Variants in SORCS1 observed in about 807,000 individuals in gnomAD.
SORCS1 encodes the protein VPS10 domain-containing receptor SorCS1.
A neutral mutation model predicts 146.1 loss-of-function variants in SORCS1; 60 were observed. The observed-to-expected ratio is 0.41, with a 90% CI of 0.33 to 0.51. The LOEUF is 0.51. Ranked by LOEUF, SORCS1 falls within the 20% of genes least tolerant of loss-of-function variation. The pLI is 0.21. For synonymous variants in SORCS1, 637 were observed against 584.0 expected (o/e 1.09, Z -1.31); for missense variants, 1,352 against 1,487.6 (o/e 0.91, Z 1.50).
chr10:106,873,079 CAGG>C (rs1950470392), intron 2 of SORCS1, among the ~76,000 whole-genome samples: 1 of 152,072 alleles, frequency 6.6e-6, no homozygotes, highest in Non-Finnish European at 1.5e-5. Flanking sequence ...GAGGCTGAGG[CAGG>C]AGAATCACTT....
chr10:106,892,747 A>G (rs1951283903), intron 2 of SORCS1, among the ~76,000 whole-genome samples: 1 of 152,182 alleles, frequency 6.6e-6, no homozygotes, highest in African/African-American at 2.4e-5. Context: ...TCTAACTTCT[A>G]CATGTCTCCA....
At chr10:106,642,752 T>G (rs371471460) in intron 18 of SORCS1, among the ~76,000 whole-genome samples, 2 of 152,146 alleles carry the variant, frequency 1.3e-5, no homozygotes, top group Non-Finnish European at 2.9e-5. Flanking sequence ...TCAGGCACAC[T>G]AGGCATTCAA....
intron 4 of SORCS1, among the ~76,000 whole-genome samples, chr10:106,773,561 T>A (rs986959717): frequency 2.0e-5 from 3 of 152,210 alleles, no homozygotes; most frequent in African/African-American, 7.2e-5. Flanking sequence ...TTTTTTCCAG[T>A]ATGATTTATC....
chr10:107,107,427 T>C (rs894860995), intron 1 of SORCS1, among the ~76,000 whole-genome samples: 1 of 152,186 alleles, frequency 6.6e-6, no homozygotes, highest in Non-Finnish European at 1.5e-5. Flanking sequence ...GATTTTGTGT[T>C]TCAGTGCTTT....
At chr10:107,165,334 A>AT (rs984491607), upstream of SORCS1, among the ~76,000 whole-genome samples, 29 of 122,090 alleles carry the variant, frequency 2.4e-4, no homozygotes, top group African/African-American at 4.2e-4. The surrounding 1 kb of genome is among the most constrained non-coding windows in gnomAD (Gnocchi z 4.0). Flanking sequence ...AGTTTGGGGG[A>AT]TTTTTTTTCC....
chr10:106,898,478 A>G (rs747976570), intron 2 of SORCS1, among the ~76,000 whole-genome samples: 21 of 152,194 alleles, frequency 1.4e-4, no homozygotes, highest in Admixed American at 2.6e-4. Context: ...TACTCACGAA[A>G]AGAGAACCAT....
chr10:106,696,172 T>G (rs527374468), intron 9 of SORCS1, among the ~76,000 whole-genome samples: 6 of 152,344 alleles, frequency 3.9e-5, no homozygotes, highest in Admixed American at 1.3e-4. Flanking sequence ...TCCTCTTCAG[T>G]CACCCCAAAT....
chr10:106,719,981 T>C (rs1344982317), intron 6 of SORCS1, among the ~76,000 whole-genome samples: 2 of 152,112 alleles, frequency 1.3e-5, no homozygotes, highest in East Asian at 3.9e-4. Flanking sequence ...GACACACAAG[T>C]CTCTCCCATA....
chr10:106,602,512 A>ACACACACAC, intron 23 of SORCS1, among the ~76,000 whole-genome samples: 1 of 138,852 alleles, frequency 7.2e-6, no homozygotes, highest in East Asian at 2.1e-4. Flanking sequence ...ATTCCTTCAT[A>ACACACACAC]ACACACACAC....
chr10:107,101,228 A>G (rs1458242062), intron 1 of SORCS1, among the ~76,000 whole-genome samples: 1 of 152,176 alleles, frequency 6.6e-6, no homozygotes, highest in East Asian at 1.9e-4. Flanking sequence ...TATTTTTATT[A>G]GAGACGGGGT....
chr10:106,824,991 A>C (rs1440234261), intron 3 of SORCS1, among the ~76,000 whole-genome samples: 1 of 152,228 alleles, frequency 6.6e-6, no homozygotes, highest in African/African-American at 2.4e-5. Context: ...TGCTGAGACC[A>C]CAAGGATAAA....
intron 1 of SORCS1, among the ~76,000 whole-genome samples, chr10:107,103,761 G>T (rs1394141541): frequency 6.6e-6 from 1 of 152,200 alleles, no homozygotes; most frequent in African/African-American, 2.4e-5. Flanking sequence ...AGGAAGCAGA[G>T]AAGGGAATCC....
intron 3 of SORCS1, among the ~76,000 whole-genome samples, chr10:106,814,689 T>C (rs822009): frequency 0.76 from 114,746 of 151,818 alleles, 44,361 homozygotes; most frequent in African/African-American, 0.93. Flanking sequence ...CCAAGGCGGG[T>C]GGATCACGAG....
At chr10:107,074,957 C>A (rs185811816) in intron 1 of SORCS1, among the ~76,000 whole-genome samples, 1 of 152,086 alleles carries the variant, frequency 6.6e-6, no homozygotes, top group Non-Finnish European at 1.5e-5. Flanking sequence ...AGTAACTCAC[C>A]TTTATTGATA....
At chr10:106,814,962 T>G (rs553936729) in intron 3 of SORCS1, among the ~76,000 whole-genome samples, 1 of 151,786 alleles carries the variant, frequency 6.6e-6, no homozygotes, top group African/African-American at 2.4e-5. Context: ...GTCCTTTTAT[T>G]TATTTTTTAG....
chr10:106,712,591 T>C (rs1855080149), intron 6 of SORCS1, among the ~76,000 whole-genome samples: 1 of 152,088 alleles, frequency 6.6e-6, no homozygotes, highest in South Asian at 2.1e-4. Context: ...ATATCAACTA[T>C]CTTGTACTTT....
At position 106,950,760 on chromosome 10, in the gene SORCS1, G is replaced by A. The variant is rs1261994117; in HGVS notation, c.626+5753C>T. Among the ~76,000 whole-genome samples the A allele has an allele frequency of 2.6e-5, 4 of 152,278 alleles. No homozygotes were observed. In the East Asian group the frequency reaches 5.8e-4, roughly 22 times the overall value. On this transcript the variant is annotated intron_variant, in intron 2 of 25. Coordinates refer to ENST00000263054, the MANE Select transcript of SORCS1 (RefSeq NM_052918.5). The stretch of plus-strand genomic sequence containing the variant: ...ATAAGCAATGAACGTATGGAGTTCA[G>A]TAACATGTCTGTAAGTCTATAGGCT...
rs534191872 is a variant in SORCS1, at chr10:107,164,495, T to G, written c.32A>C (p.Gln11Pro). 2.1e-3 allele frequency: 2,808 copies of G among 1,351,594 alleles called. 59 individuals carry two copies. In the African/African-American group the frequency reaches 0.039, roughly 19 times the overall value. The allele number at this position is 1,351,594 out of a possible 1,614,324, so 83.7% of individuals were successfully genotyped here. The change falls in exon 1 of 26, where the codon CAA becomes CCA. Residue 11 changes from glutamine to proline, a missense_variant. By Grantham distance (76) the Gln-to-Pro change is moderately conservative. Around this residue, in one of 3 missense-constraint regions of SORCS1, gnomAD observed 490 missense variants for 489.1 expected, o/e 1.00. Transcript: ENST00000263054. The surrounding 1 kb of genome is among the most constrained non-coding windows in gnomAD (Gnocchi z 6.8). MGKVGAGGGS[Q>P]ARLSALLAGA... ...GGCGAGGAGCGCGCTCAGCCGGGCT[T>G]GGGAGCCGCCGCCGGCGCCAACTTT...
In SORCS1 at chr10:107,067,819, G is replaced by A. The variant is rs1282412479; in HGVS notation, c.558+96150C>T. 2.6e-5 allele frequency among the ~76,000 whole-genome samples: 4 copies of A among 152,210 alleles called. No individual in the cohort carries two copies. In the South Asian group the frequency reaches 8.3e-4, roughly 32 times the overall value. ...AGATAATAAATAGTACCAACCTCAC[G>A]TGAATTGTTGTGAGGATTACATATT... On this transcript the variant is annotated intron_variant, in intron 1 of 25. Transcript: ENST00000263054.
Sources: gnomAD v4.1 joint callset for allele counts (sites outside exome capture counted in the v4.1 genomes callset) on GRCh38, gnomAD v4.1.1 for gene constraint, gnomAD v4.1.1 regional missense constraint, Gnocchi (gnomAD v3.1) non-coding constraint, MANE v1.5 for transcripts, NCBI Gene and HGNC (gene_info 2026-07-23, HGNC 2026-07-21) for gene names.